The following IMMP2L variants were observed in gnomAD, a reference collection of about 807,000 sequenced individuals.
IMMP2L encodes the protein mitochondrial inner membrane protease subunit 2.
Under a neutral mutation model 19.3 loss-of-function variants are expected in IMMP2L, and 18 were observed. That is an observed-to-expected ratio of 0.93 (90% confidence interval 0.64 to 1.38). The LOEUF (loss-of-function observed/expected upper bound fraction) is 1.38. IMMP2L is among the 40% of genes most tolerant of loss of function. The pLI is 0.00. For synonymous variants in IMMP2L, 76 were observed against 73.0 expected (o/e 1.04, Z -0.21); for missense variants, 233 against 218.2 (o/e 1.07, Z -0.43).
chr7:110,812,619 A>G (rs1302367577), intron 5 of IMMP2L, among the ~76,000 whole-genome samples: 1 of 152,054 alleles, frequency 6.6e-6, no homozygotes, highest in Admixed American at 6.6e-5. Context: ...TAAGTTACAT[A>G]TCCTGGATCA....
chr7:110,875,790 G>A (rs1461072828), intron 5 of IMMP2L, among the ~76,000 whole-genome samples: 2 of 152,134 alleles, frequency 1.3e-5, no homozygotes, highest in African/African-American at 4.8e-5. Flanking sequence ...TAATGTAGTT[G>A]TCAGTCTAAG....
In IMMP2L at chr7:111,428,040, C is replaced by T. The variant is rs191415261; in HGVS notation, c.239+59198G>A. Among the ~76,000 whole-genome samples, 292 of 151,926 alleles carry T rather than the reference C, an allele frequency of 1.9e-3. 6 individuals are homozygous for T. Among genetic ancestry groups the T allele is most frequent in the African/African-American group, 6.0e-3 (246 of 41,276 alleles). On this transcript the variant is annotated intron_variant, in intron 3 of 5. Transcript: ENST00000405709. ...GATACGCTCCTGGTACAAGTGTAGTCTGTGTAGCAACACACTCATGCTGTA... is the reference window on the plus strand; with the variant it reads ...GATACGCTCCTGGTACAAGTGTAGTTTGTGTAGCAACACACTCATGCTGTA...
intron 3 of IMMP2L, among the ~76,000 whole-genome samples, chr7:111,313,676 T>C (rs1251203955): frequency 6.6e-6 from 1 of 152,068 alleles, no homozygotes; most frequent in Non-Finnish European, 1.5e-5. Flanking sequence ...TATAGGAGTT[T>C]TTACTCTCGT....
intron 3 of IMMP2L, among the ~76,000 whole-genome samples, chr7:111,297,145 T>C (rs1821723997): frequency 1.3e-5 from 2 of 152,158 alleles, no homozygotes; most frequent in South Asian, 4.1e-4. Context: ...ATTATGGTGG[T>C]GTTTGCATGA....
At chr7:111,305,890 G>A (rs1204849784) in intron 3 of IMMP2L, among the ~76,000 whole-genome samples, 1 of 152,116 alleles carries the variant, frequency 6.6e-6, no homozygotes, top group African/African-American at 2.4e-5. Flanking sequence ...TGATAATTAG[G>A]TAAACTAGCT....
intron 3 of IMMP2L, among the ~76,000 whole-genome samples, chr7:111,485,433 C>A (rs1188845847): frequency 6.6e-6 from 1 of 151,570 alleles, no homozygotes; most frequent in Non-Finnish European, 1.5e-5. Flanking sequence ...CCCGTCTCTA[C>A]TAAAAATACA....
At chr7:111,311,976 T>C (rs1300444590) in intron 3 of IMMP2L, among the ~76,000 whole-genome samples, 6 of 152,144 alleles carry the variant, frequency 3.9e-5, no homozygotes, top group African/African-American at 7.2e-5. Flanking sequence ...GCAATCAGAA[T>C]ACAGCCTTCC....
chr7:111,550,081 T>C (rs1849310037), intron 1 of IMMP2L, among the ~76,000 whole-genome samples: 1 of 152,084 alleles, frequency 6.6e-6, no homozygotes, highest in African/African-American at 2.4e-5. Flanking sequence ...TTATTCAGTA[T>C]TTAAATCTGA....
intron 5 of IMMP2L, among the ~76,000 whole-genome samples, chr7:110,771,379 T>C (rs547860393): frequency 6.6e-6 from 1 of 152,176 alleles, no homozygotes; most frequent in South Asian, 2.1e-4. Flanking sequence ...ACAAGGCTCA[T>C]CTTAACAGGA....
At chr7:110,976,847 A>G (rs1224707081) in intron 3 of IMMP2L, among the ~76,000 whole-genome samples, 1 of 152,022 alleles carries the variant, frequency 6.6e-6, no homozygotes. Context: ...AAGCCATAAT[A>G]TATTTCTAAA....
chr7:111,018,486 C>A (rs1825927928), intron 3 of IMMP2L, among the ~76,000 whole-genome samples: 1 of 152,112 alleles, frequency 6.6e-6, no homozygotes, highest in African/African-American at 2.4e-5. Flanking sequence ...GAATTTAACT[C>A]TCGGCTGTTC....
chr7:111,444,447 G>A (rs1448051010), intron 3 of IMMP2L, among the ~76,000 whole-genome samples: 3 of 152,016 alleles, frequency 2.0e-5, no homozygotes, highest in Non-Finnish European at 4.4e-5. Context: ...TCTATAAAAT[G>A]GGGATAATAA....
intron 4 of IMMP2L, among the ~76,000 whole-genome samples, chr7:110,948,056 AC>A (rs1817431699): frequency 6.6e-6 from 1 of 152,168 alleles, no homozygotes; most frequent in South Asian, 2.1e-4. Flanking sequence ...AATCATTTTC[AC>A]TCAAATTCTC....
At chr7:111,375,630 T>C (rs2131156576) in intron 3 of IMMP2L, among the ~76,000 whole-genome samples, 1 of 152,110 alleles carries the variant, frequency 6.6e-6, no homozygotes, top group Non-Finnish European at 1.5e-5. Context: ...GGTCAAGCAA[T>C]TCTCCTGCCT....
At chr7:111,466,622 A>C (rs145387555) in intron 3 of IMMP2L, among the ~76,000 whole-genome samples, 42 of 152,312 alleles carry the variant, frequency 2.8e-4, no homozygotes, top group African/African-American at 9.6e-4. Flanking sequence ...ATATAAGTAC[A>C]TTTATCAATA....
intron 3 of IMMP2L, among the ~76,000 whole-genome samples, chr7:110,980,802 G>C (rs1821220745): frequency 6.6e-6 from 1 of 152,118 alleles, no homozygotes; most frequent in African/African-American, 2.4e-5. Flanking sequence ...ATTAACTCTT[G>C]TTATACAGAT....
rs182168899 is a variant in IMMP2L at position 110,890,036 on chromosome 7, T to C, written c.306-3341A>G. Among the ~76,000 whole-genome samples, 33 of 152,340 alleles carry C rather than the reference T, an allele frequency of 2.2e-4. No homozygotes were observed. In the East Asian group the frequency reaches 4.6e-3, roughly 21 times the overall value. On this transcript the variant is annotated intron_variant, in intron 4 of 5. Transcript: ENST00000405709. ...TTGTCCATTATTTTCTTTCATTTTA[T>C]AAGTCAGAATGTGTTCAGCCTCTGC...
chr7:111,249,910 A>AT (rs534412607), intron 3 of IMMP2L, among the ~76,000 whole-genome samples: 135 of 152,314 alleles, frequency 8.9e-4, no homozygotes, highest in African/African-American at 3.2e-3. Flanking sequence ...GGCCAGGGCA[A>AT]TCAGGCAAGA....
At chr7:111,502,509 G>A (rs1380124850) in intron 2 of IMMP2L, among the ~76,000 whole-genome samples, 1 of 152,010 alleles carries the variant, frequency 6.6e-6, no homozygotes, top group East Asian at 1.9e-4. Context: ...CAAATCAACA[G>A]AATATACATT....
Sources: gnomAD v4.1 joint callset for allele counts (sites outside exome capture counted in the v4.1 genomes callset) on GRCh38, gnomAD v4.1.1 for gene constraint, MANE v1.5 for transcripts, NCBI Gene and HGNC (gene_info 2026-07-23, HGNC 2026-07-21) for gene names.